Variants in COL28A1 observed in about 807,000 individuals in gnomAD.
COL28A1 encodes the protein collagen type XXVIII alpha 1 chain, also known as collagen alpha-1(XXVIII) chain.
Under a neutral mutation model 150.2 loss-of-function variants are expected in COL28A1, and 161 were observed. The observed-to-expected ratio is 1.07, with a 90% CI of 0.94 to 1.22. The LOEUF is 1.22. COL28A1 is among the 50% of genes most tolerant of loss of function. The pLI, the probability that COL28A1 is intolerant of heterozygous loss-of-function variation, is 0.00. For synonymous variants in COL28A1, 552 were observed against 469.7 expected (o/e 1.18, Z -2.26); for missense variants, 1,617 against 1,388.3 (o/e 1.16, Z -2.62).
intron 34 of COL28A1, among the ~76,000 whole-genome samples, chr7:7,359,958 T>C (rs961010932): frequency 4.6e-5 from 7 of 152,196 alleles, no homozygotes; most frequent in East Asian, 1.9e-4. Context: ...ATTAACTCCA[T>C]AGAAAATATG....
chr7:7,392,843 C>G (rs1782624665), intron 27 of COL28A1, among the ~76,000 whole-genome samples: 1 of 152,156 alleles, frequency 6.6e-6, no homozygotes, highest in South Asian at 2.1e-4. Flanking sequence ...TTATGTTCTT[C>G]TCTAAGCTAG....
chr7:7,480,334 A>C (rs534654346), intron 13 of COL28A1, among the ~76,000 whole-genome samples: 1 of 152,324 alleles, frequency 6.6e-6, no homozygotes, highest in South Asian at 2.1e-4. Context: ...TTTTCAATTT[A>C]AATTGTAACA....
At chr7:7,506,377 C>T (rs1262173406) in intron 10 of COL28A1, among the ~76,000 whole-genome samples, 1 of 152,104 alleles carries the variant, frequency 6.6e-6, no homozygotes, top group Non-Finnish European at 1.5e-5. Context: ...AGTTAAGTAT[C>T]TTCTTTTTTA....
chr7:7,387,285 G>A (rs899472900), intron 27 of COL28A1, among the ~76,000 whole-genome samples: 3 of 152,044 alleles, frequency 2.0e-5, no homozygotes, highest in Non-Finnish European at 4.4e-5. Context: ...CTCCTCGTAC[G>A]GGTTTGCTGG....
At chr7:7,450,177 T>C (rs2128327924) in intron 18 of COL28A1, among the ~76,000 whole-genome samples, 1 of 152,260 alleles carries the variant, frequency 6.6e-6, no homozygotes, top group East Asian at 1.9e-4. Context: ...GTGGTAAAGA[T>C]GGACTATTCA....
the COL28A1 span, among the ~76,000 whole-genome samples, chr7:7,348,029 C>T: frequency 6.6e-6 from 1 of 151,878 alleles, no homozygotes; most frequent in African/African-American, 2.4e-5. Flanking sequence ...CTAAGGAGAA[C>T]ATTTAAAAAT....
chr7:7,513,073 C>G (rs1358609564), intron 8 of COL28A1, among the ~76,000 whole-genome samples: 1 of 152,184 alleles, frequency 6.6e-6, no homozygotes, highest in Non-Finnish European at 1.5e-5. Flanking sequence ...AGAATAGCAA[C>G]AAACCATTCA....
rs1782606278 is a variant in COL28A1, at chr7:7,535,739, TTA to T, written c.-38+9_-38+10del. On this transcript the variant is annotated intron_variant, in intron 1 of 34. Coordinates refer to ENST00000399429, the MANE Select transcript of COL28A1 (RefSeq NM_001037763.3). ...ATTTCAAGTGACTAAAATAAATCTG[TTA>T]TGTCTTACCTTATAAAGTTTGTCAA... The T allele has an allele frequency of 6.6e-6, 1 of 152,198 alleles. No homozygotes were observed. The highest frequency in any genetic ancestry group is 1.5e-5 in the Non-Finnish European group (1 of 68,034). The allele number at this position is 152,198 out of a possible 1,614,324, so 9.4% of individuals were successfully genotyped here. A position where few individuals can be genotyped will look rare whatever the true frequency, so the allele number is the denominator to read the frequency against.
intron 20 of COL28A1, among the ~76,000 whole-genome samples, chr7:7,441,904 T>C (rs975014292): frequency 6.6e-6 from 1 of 151,576 alleles, no homozygotes; most frequent in Admixed American, 6.6e-5. Flanking sequence ...AAAAAAAGAG[T>C]TGAATGTCCA....
At chr7:7,474,352 G>T (rs1425715287) in intron 15 of COL28A1, among the ~76,000 whole-genome samples, 1 of 151,894 alleles carries the variant, frequency 6.6e-6, no homozygotes, top group Non-Finnish European at 1.5e-5. Context: ...TATACTGCTT[G>T]GGTGATGGGT....
chr7:7,489,464 GA>G lies in COL28A1; in HGVS notation c.1096-8del, dbSNP rs1562813767. 2.5e-6 allele frequency: 3 copies of G among 1,207,646 alleles called. No homozygotes were observed. Among genetic ancestry groups the G allele is most frequent in the Non-Finnish European group, 3.7e-6 (3 of 808,398 alleles). The allele number at this position is 1,207,646 out of a possible 1,614,324, so 74.8% of individuals were successfully genotyped here. ...CTTCTTGGCCTCTTTCTCCCTAAGA[GA>G]AAGAAATAATAGAATGAAAGCTTGA... is the stretch of plus-strand genomic sequence containing the variant. On this transcript the variant is annotated splice_region_variant and splice_polypyrimidine_tract_variant and intron_variant, in intron 12 of 34. Transcript: ENST00000399429.
intron 1 of COL28A1, among the ~76,000 whole-genome samples, chr7:7,533,209 A>G (rs1432585843): frequency 6.6e-6 from 1 of 152,132 alleles, no homozygotes; most frequent in Non-Finnish European, 1.5e-5. Context: ...ATTTAAAAAC[A>G]TTTCAATCCC....
chr7:7,368,906 C>T (rs191207247), intron 33 of COL28A1, among the ~76,000 whole-genome samples: 2 of 152,182 alleles, frequency 1.3e-5, no homozygotes, highest in African/African-American at 2.4e-5. Flanking sequence ...ATAGCTCTGG[C>T]TAAAATTCAT....
intron 18 of COL28A1, among the ~76,000 whole-genome samples, chr7:7,450,297 A>G (rs897012846): frequency 8.5e-5 from 13 of 152,202 alleles, no homozygotes; most frequent in African/African-American, 2.9e-4. Flanking sequence ...AATTTTAAAA[A>G]CAAAACACTA....
At chr7:7,455,902 C>A in intron 16 of COL28A1, 142 bp downstream of exon 16, 1 of 1,085,446 alleles carries the variant, frequency 9.2e-7, no homozygotes, top group Non-Finnish European at 1.2e-6. Flanking sequence ...TTATCCTTCC[C>A]TATATTCACT....
intron 26 of COL28A1, among the ~76,000 whole-genome samples, chr7:7,419,250 T>C (rs1371441743): frequency 6.6e-6 from 1 of 152,178 alleles, no homozygotes; most frequent in Non-Finnish European, 1.5e-5. Context: ...GTCCTGGGCA[T>C]TGTAGAATGG....
chr7:7,374,038 A>AAAAAAAATATATATAT, intron 31 of COL28A1, among the ~76,000 whole-genome samples: 1 of 113,658 alleles, frequency 8.8e-6, no homozygotes, highest in African/African-American at 3.8e-5. Context: ...AAAAAAAAAA[A>AAAAAAAATATATATAT]ATATATATAT....
intron 11 of COL28A1, among the ~76,000 whole-genome samples, chr7:7,502,119 C>A (rs1780566379): frequency 6.6e-6 from 1 of 152,094 alleles, no homozygotes; most frequent in Admixed American, 6.5e-5. Context: ...GGTCTTGAGT[C>A]TTGAACTCCT....
intron 27 of COL28A1, among the ~76,000 whole-genome samples, chr7:7,391,955 C>T (rs1342140456): frequency 6.6e-6 from 1 of 152,064 alleles, no homozygotes; most frequent in Non-Finnish European, 1.5e-5. Context: ...CAGTCTGTGT[C>T]TTTTAATTGG....
Sources: allele counts gnomAD v4.1 joint callset (sites outside exome capture counted in the v4.1 genomes callset), GRCh38; gene constraint gnomAD v4.1.1; transcripts MANE v1.5; gene names NCBI Gene and HGNC (gene_info 2026-07-23, HGNC 2026-07-21).